The following CAV1 variants were observed in gnomAD, a reference collection of about 807,000 sequenced individuals.
The protein encoded by CAV1 is caveolin-1.
Under a neutral mutation model 16.5 loss-of-function variants are expected in CAV1, and 10 were observed. That is an observed-to-expected ratio of 0.61 (90% CI 0.37 to 1.03). CAV1 has a LOEUF of 1.03. Among genes scored for constraint, CAV1 ranks in the 50% least tolerant of loss-of-function variants. The pLI, the probability that CAV1 is intolerant of heterozygous loss-of-function variation, is 0.01. For missense variants in CAV1, 212 were observed against 232.8 expected (o/e 0.91, Z 0.58); for synonymous variants, 76 against 85.1 (o/e 0.89, Z 0.59).
chr7:116,538,808 A>G (rs1394691769), intron 2 of CAV1, among the ~76,000 whole-genome samples: 1 of 152,198 alleles, frequency 6.6e-6, no homozygotes, highest in Admixed American at 6.5e-5. Context: ...AGGCTTCACA[A>G]TCATGGAGGA....
intron 2 of CAV1, among the ~76,000 whole-genome samples, chr7:116,529,355 C>T (rs917760246): frequency 1.3e-5 from 2 of 152,152 alleles, no homozygotes; most frequent in Non-Finnish European, 2.9e-5. Flanking sequence ...TAATCACTAG[C>T]CATTTGTGTT....
In CAV1 at chr7:116,560,764, C is replaced by G. The variant is rs993642038; in HGVS notation, c.*1477C>G. On this transcript the variant is annotated 3_prime_UTR_variant, in exon 3 of 3. Transcript: ENST00000341049. ...TCAGTTATGATTTTTTTTTCATACA[C>G]TTATTGGAACTCTGCTTGATTTTTG... 3 of 152,424 alleles carry G rather than the reference C, an allele frequency of 2.0e-5. No individual in the cohort carries two copies. Among genetic ancestry groups the G allele is most frequent in the African/African-American group, 7.3e-5 (3 of 41,354 alleles). The allele number at this position is 152,424 out of a possible 1,614,324, so 9.4% of individuals were successfully genotyped here. A position where few individuals can be genotyped will look rare whatever the true frequency, so the allele number is the denominator to read the frequency against.
intron 2 of CAV1, among the ~76,000 whole-genome samples, chr7:116,558,038 T>TG (rs1396552083): frequency 7.2e-5 from 11 of 152,178 alleles, no homozygotes. Context: ...AACGTCCCAT[T>TG]GTTCTTCCTC....
rs182137114 is a variant in CAV1 at position 116,534,366 on chromosome 7, T to G, written c.195+7677T>G. Reference sequence around the variant, plus strand: ...CAGATGCCTGGGCCCACCTCAGATATATATATATATATATATATATATATA... The same window carrying G: ...CAGATGCCTGGGCCCACCTCAGATAGATATATATATATATATATATATATA... On this transcript the variant is annotated intron_variant, in intron 2 of 2. Coordinates refer to ENST00000341049, the MANE Select transcript of CAV1 (RefSeq NM_001753.5). 1.9e-3 allele frequency among the ~76,000 whole-genome samples: 27 copies of G among 14,212 alleles called. 1 individual carries two copies. In the South Asian group the frequency reaches 0.028, roughly 15 times the overall value. The allele number at this position is 14,212 out of a possible 152,430, so 9.3% of individuals were successfully genotyped here.
intron 1 of CAV1, chr7:116,525,481 T>G: frequency 7.7e-7 from 1 of 1,301,458 alleles, no homozygotes; most frequent in Non-Finnish European, 9.9e-7. Flanking sequence ...GTGGAGGTGT[T>G]ATTTACCCGA....
intron 2 of CAV1, among the ~76,000 whole-genome samples, chr7:116,551,152 T>G (rs1234840463): frequency 1.3e-5 from 2 of 151,890 alleles, no homozygotes; most frequent in African/African-American, 4.8e-5. Flanking sequence ...CCCCAAAGAG[T>G]CTGATCTGAT....
chr7:116,540,844 G>C (rs1339615566), intron 2 of CAV1, among the ~76,000 whole-genome samples: 1 of 152,210 alleles, frequency 6.6e-6, no homozygotes. Context: ...GGATAGAGCT[G>C]TCATTTTTGT....
In CAV1 at chr7:116,525,177, G is replaced by T. The variant is rs371297141; in HGVS notation, c.30+85G>T. The T allele has an allele frequency of 5.5e-4, 890 of 1,611,654 alleles. 2 individuals carry two copies. Among genetic ancestry groups the T allele is most frequent in the Non-Finnish European group, 6.7e-4 (786 of 1,178,268 alleles). ...TGCCTCTCCAAATATCCCGACTGCT[G>T]CCCTGGCCCCAGCCCTCTCTCCACT... On this transcript the variant is annotated intron_variant, in intron 1 of 2. Coordinates refer to ENST00000341049, the MANE Select transcript of CAV1 (RefSeq NM_001753.5).
chr7:116,530,208 C>CTTTTTTTTTTTTTTTTTTTTTTTTTT (rs3030806), intron 2 of CAV1, among the ~76,000 whole-genome samples: 17 of 125,362 alleles, frequency 1.4e-4, no homozygotes, highest in Non-Finnish European at 2.1e-4. Context: ...GTCCTTTTTC[C>CTTTTTTTTTTTTTTTTTTTTTTTTTT]TTTTTTTTTT....
chr7:116,543,400 A>C (rs575408318), intron 2 of CAV1, among the ~76,000 whole-genome samples: 1 of 152,332 alleles, frequency 6.6e-6, no homozygotes, highest in Admixed American at 6.5e-5. Context: ...ATACTGAGCT[A>C]TCAACAGATG....
intron 2 of CAV1, among the ~76,000 whole-genome samples, chr7:116,537,404 G>A (rs1210899917): frequency 6.6e-6 from 1 of 152,072 alleles, no homozygotes; most frequent in African/African-American, 2.4e-5. Context: ...GGCTGACTGA[G>A]TGACAAAGAT....
intron 2 of CAV1, among the ~76,000 whole-genome samples, chr7:116,544,268 A>G (rs1020981360): frequency 1.3e-5 from 2 of 152,264 alleles, no homozygotes; most frequent in East Asian, 1.9e-4. Flanking sequence ...CCAGATAATA[A>G]CACATTCAGA....
At chr7:116,551,568 GA>G (rs1202024097) in intron 2 of CAV1, among the ~76,000 whole-genome samples, 1 of 152,174 alleles carries the variant, frequency 6.6e-6, no homozygotes, top group Non-Finnish European at 1.5e-5. Context: ...TTGTCTAATA[GA>G]AAAGGGCAAG....
intron 2 of CAV1, among the ~76,000 whole-genome samples, chr7:116,543,149 A>T (rs1265158288): frequency 6.6e-6 from 1 of 152,210 alleles, no homozygotes; most frequent in Non-Finnish European, 1.5e-5. Flanking sequence ...TTCTTCATCT[A>T]TAAAATCAAG....
chr7:116,537,454 C>T (rs1001214299), intron 2 of CAV1, among the ~76,000 whole-genome samples: 1 of 152,000 alleles, frequency 6.6e-6, no homozygotes, highest in Non-Finnish European at 1.5e-5. Flanking sequence ...GAGATGGGTA[C>T]TATTATTATT....
chr7:116,525,655 C>T, intron 1 of CAV1: 1 of 1,088,948 alleles, frequency 9.2e-7, no homozygotes, highest in Non-Finnish European at 1.1e-6. Context: ...TAGACCTCCC[C>T]TCCCCAAACT....
rs139849494 is a variant in CAV1 at position 116,526,072 on chromosome 7, C to CCGGGGA, written c.31-448_31-443dup. 0.015 allele frequency: 3,097 copies of CCGGGGA among 202,254 alleles called. 94 individuals are homozygous for CCGGGGA. The highest frequency in any genetic ancestry group is 0.068 in the African/African-American group (2,876 of 42,356). 12.5% of individuals were successfully genotyped at this position (202,254 alleles called of 1,614,324 possible). ...ATTACCGGGGCAGGGGTAATAGGGACCGGGGACGGGAACGCGAAACAGGTG... is the reference window on the plus strand; with the variant it reads ...ATTACCGGGGCAGGGGTAATAGGGACCGGGGACGGGGACGGGAACGCGAAACAGGTG... On this transcript the variant is annotated intron_variant, in intron 1 of 2. Transcript: ENST00000341049.
At chr7:116,529,730 TA>T (rs1183955535) in intron 2 of CAV1, among the ~76,000 whole-genome samples, 2 of 152,216 alleles carry the variant, frequency 1.3e-5, no homozygotes, top group South Asian at 2.1e-4. Flanking sequence ...CCAGTTCCAA[TA>T]AAATTAATTT....
chr7:116,532,651 C>G (rs1252726576), intron 2 of CAV1, among the ~76,000 whole-genome samples: 1 of 152,128 alleles, frequency 6.6e-6, no homozygotes, highest in Non-Finnish European at 1.5e-5. Flanking sequence ...CACTCTCAGC[C>G]CCTAGAAATT....
Sources: allele counts gnomAD v4.1 joint callset (sites outside exome capture counted in the v4.1 genomes callset), GRCh38; gene constraint gnomAD v4.1.1; transcripts MANE v1.5; gene names NCBI Gene and HGNC (gene_info 2026-07-23, HGNC 2026-07-21).